Variants in KLHL2 observed in about 807,000 individuals in gnomAD.
KLHL2 encodes the protein kelch like family member 2.
A neutral mutation model predicts 75.8 loss-of-function variants in KLHL2; 15 were observed. The ratio of observed to expected loss-of-function variants is 0.20; its 90% CI spans 0.13 to 0.30. The LOEUF (loss-of-function observed/expected upper bound fraction) is 0.30. Among genes scored for constraint, KLHL2 ranks in the 10% least tolerant of loss-of-function variants. KLHL2 has a pLI of 1.00. For missense variants in KLHL2, 381 were observed against 741.0 expected (o/e 0.51, Z 5.64); for synonymous variants, 214 against 251.9 (o/e 0.85, Z 1.42).
intron 5 of KLHL2, chr4:165,278,334 G>A (rs780432653): frequency 5.4e-6 from 6 of 1,120,634 alleles, no homozygotes; most frequent in African/African-American, 4.6e-5. Context: ...ATGTCTGCTT[G>A]TAGCTGCATA....
chr4:165,221,820 C>A (rs139422264), intron 2 of KLHL2, among the ~76,000 whole-genome samples: 1 of 152,212 alleles, frequency 6.6e-6, no homozygotes, highest in Non-Finnish European at 1.5e-5. Flanking sequence ...CTGGGATAAT[C>A]CAGCAAGTCT....
At position 165,263,805 on chromosome 4, in the gene KLHL2, GTTTTTTTT is replaced by G. The variant is rs55901119; in HGVS notation, c.544+463_544+470del. On this transcript the variant is annotated intron_variant, in intron 5 of 14. Coordinates refer to ENST00000226725, the MANE Select transcript of KLHL2 (RefSeq NM_007246.4). Reference sequence around the variant, plus strand: ...TATTTTAGCTCTGATTTTTTACATTGTTTTTTTTTTTTTTTTTTTTTTTTGCATCCATG... The same window carrying G: ...TATTTTAGCTCTGATTTTTTACATTGTTTTTTTTTTTTTTTTGCATCCATG... Among the ~76,000 whole-genome samples the G allele has an allele frequency of 6.1e-3, 406 of 66,534 alleles. 3 individuals carry two copies. The highest frequency in any genetic ancestry group is 0.019 in the African/African-American group (330 of 17,298). The allele number at this position is 66,534 out of a possible 152,430, so 43.6% of individuals were successfully genotyped here.
rs1244924574 is a variant in KLHL2, at chr4:165,210,090, T to C, written c.26+2188T>C. The C allele has an allele frequency of 4.5e-6, 7 of 1,551,570 alleles. No individual in the cohort carries two copies. The East Asian group carries it at 7.3e-5, about 16-fold the overall frequency. ...AGACTCAGCTTTTCATGAAGTTAGA[T>C]TTTTAGCCTGAGCTTTAAGTCAAAG... On this transcript the variant is annotated intron_variant, in intron 1 of 14. Transcript: ENST00000226725.
intron 4 of KLHL2, among the ~76,000 whole-genome samples, chr4:165,255,402 G>A (rs141996369): frequency 9.9e-5 from 15 of 152,098 alleles, no homozygotes; most frequent in Admixed American, 8.5e-4. Context: ...GGGGGAGGTT[G>A]TTTTTGTTTT....
chr4:165,259,493 C>T (rs1323653498), intron 4 of KLHL2, among the ~76,000 whole-genome samples: 1 of 152,226 alleles, frequency 6.6e-6, no homozygotes, highest in Non-Finnish European at 1.5e-5. Flanking sequence ...TAGTACCGCT[C>T]TCATAGCAGG....
intron 9 of KLHL2, among the ~76,000 whole-genome samples, chr4:165,307,029 G>T (rs1366199722): frequency 6.6e-6 from 1 of 152,180 alleles, no homozygotes; most frequent in Non-Finnish European, 1.5e-5. Flanking sequence ...TTTATGTGGG[G>T]CCAGGCGCAG....
chr4:165,241,717 T>C (rs1472282264), intron 4 of KLHL2, among the ~76,000 whole-genome samples: 1 of 152,222 alleles, frequency 6.6e-6, no homozygotes, highest in Non-Finnish European at 1.5e-5. Flanking sequence ...TGGCAGTCAG[T>C]TGGCGACAGA....
At chr4:165,211,612 G>A (rs1737209453) in intron 1 of KLHL2, among the ~76,000 whole-genome samples, 1 of 152,158 alleles carries the variant, frequency 6.6e-6, no homozygotes, top group Admixed American at 6.5e-5. Context: ...CATATCACAG[G>A]TGAATCTCCC....
At chr4:165,261,046 G>C (rs995113944) in intron 4 of KLHL2, among the ~76,000 whole-genome samples, 4 of 152,186 alleles carry the variant, frequency 2.6e-5, no homozygotes, top group African/African-American at 9.7e-5. Context: ...AATTAGAGGA[G>C]TGATCATACT....
chr4:165,267,483 T>C (rs180694968), intron 5 of KLHL2, among the ~76,000 whole-genome samples: 13,474 of 152,048 alleles, frequency 0.089, 1,317 homozygotes, highest in African/African-American at 0.25. Context: ...TGAGATACGT[T>C]CCATCAATAC....
intron 5 of KLHL2, chr4:165,278,090 G>A: frequency 6.4e-7 from 1 of 1,557,812 alleles, no homozygotes; most frequent in Non-Finnish European, 8.9e-7. Flanking sequence ...ACCACCTTCT[G>A]GAGATTGAGT....
At chr4:165,298,908 C>CAACA (rs1745123085) in intron 7 of KLHL2, among the ~76,000 whole-genome samples, 1 of 151,358 alleles carries the variant, frequency 6.6e-6, no homozygotes, top group South Asian at 2.1e-4. Context: ...CCAGCCCGGG[C>CAACA]AACAGAGTGA....
At chr4:165,293,569 C>G (rs1359391567) in intron 5 of KLHL2, among the ~76,000 whole-genome samples, 1 of 150,696 alleles carries the variant, frequency 6.6e-6, no homozygotes, top group Non-Finnish European at 1.5e-5. Context: ...GTGCTGCGAT[C>G]TCAGCTCACT....
chr4:165,313,463 TATATG>T (rs1383409796), intron 12 of KLHL2, 97 bp downstream of exon 12: 2 of 1,115,648 alleles, frequency 1.8e-6, no homozygotes, highest in African/African-American at 3.3e-5. Context: ...TATCTGAAAA[TATATG>T]ATATGCTGAT....
At chr4:165,289,725 A>C in intron 5 of KLHL2, among the ~76,000 whole-genome samples, 1 of 152,072 alleles carries the variant, frequency 6.6e-6, no homozygotes. Flanking sequence ...GTAATTGCTG[A>C]CTTTTAAAAA....
At chr4:165,277,963 G>T in intron 5 of KLHL2, 2 of 1,074,744 alleles carry the variant, frequency 1.9e-6, no homozygotes, top group South Asian at 1.2e-5. Context: ...CGCATCTTGG[G>T]AATCCATGAG....
intron 10 of KLHL2, 86 bp downstream of exon 10, chr4:165,310,836 C>A: frequency 4.0e-6 from 4 of 1,011,726 alleles, no homozygotes; most frequent in Non-Finnish European, 6.1e-6. Context: ...AACATTAGGG[C>A]ACATGTGAGG....
chr4:165,215,921 A>G (rs1280480777), intron 1 of KLHL2, among the ~76,000 whole-genome samples: 1 of 152,104 alleles, frequency 6.6e-6, no homozygotes, highest in Non-Finnish European at 1.5e-5. Context: ...AATTCTAAAA[A>G]GGGCTTGTGT....
intron 5 of KLHL2, chr4:165,278,297 A>C: frequency 9.3e-7 from 1 of 1,078,804 alleles, no homozygotes; most frequent in Non-Finnish European, 1.4e-6. Context: ...TTCGGGCATC[A>C]AGGGCTTCAC....
Sources: allele counts gnomAD v4.1 joint callset (sites outside exome capture counted in the v4.1 genomes callset), GRCh38; gene constraint gnomAD v4.1.1; transcripts MANE v1.5; gene names NCBI Gene and HGNC (gene_info 2026-07-23, HGNC 2026-07-21).